Variants in PLIN3 observed in about 807,000 individuals in gnomAD.
PLIN3 encodes perilipin-3.
A neutral mutation model predicts 35.9 loss-of-function variants in PLIN3; 30 were observed. The observed-to-expected ratio is 0.84, with a 90% CI of 0.62 to 1.13. The LOEUF (loss-of-function observed/expected upper bound fraction) is 1.13. PLIN3 is among the 50% of genes most tolerant of loss of function. The pLI is 0.00. For missense variants in PLIN3, 603 were observed against 596.9 expected (o/e 1.01, Z -0.11); for synonymous variants, 261 against 262.5 (o/e 0.99, Z 0.06).
intron 1 of PLIN3, among the ~76,000 whole-genome samples, chr19:4,864,913 C>T (rs1317966907): frequency 1.3e-5 from 2 of 152,098 alleles, no homozygotes; most frequent in East Asian, 3.9e-4. Flanking sequence ...GCTAAAGGGT[C>T]GGGCATGGTG....
rs559314894 is a variant in PLIN3 at position 4,859,121 on chromosome 19, G to A, written c.348+469C>T. ...GTAACTAAGATTTTCAGTACTGTGG[G>A]TCACAGTCTCTGTCACAACTACTCA... On this transcript the variant is annotated intron_variant, in intron 4 of 7. Transcript: ENST00000221957. Among the ~76,000 whole-genome samples the A allele has an allele frequency of 3.3e-5, 5 of 152,288 alleles. No individual in the cohort carries two copies. In the South Asian group the frequency reaches 1.0e-3, roughly 32 times the overall value.
intron 4 of PLIN3, among the ~76,000 whole-genome samples, chr19:4,857,589 T>C (rs1163544303): frequency 6.6e-6 from 1 of 151,946 alleles, no homozygotes; most frequent in Admixed American, 6.6e-5. Flanking sequence ...TTTTTTTTTT[T>C]AATGTTAAGA....
intron 4 of PLIN3, among the ~76,000 whole-genome samples, chr19:4,858,101 C>T (rs1285027127): frequency 2.6e-5 from 4 of 151,502 alleles, no homozygotes; most frequent in African/African-American, 7.3e-5. Context: ...GGTGAAACCC[C>T]GTCTCTACTA....
At chr19:4,845,564 G>A (rs1249591378) in intron 6 of PLIN3, among the ~76,000 whole-genome samples, 2 of 152,182 alleles carry the variant, frequency 1.3e-5, no homozygotes, top group African/African-American at 2.4e-5. Context: ...GAGCTCAGTA[G>A]CTCCAGAACA....
chr19:4,847,296 C>G (rs1277240632), intron 6 of PLIN3, among the ~76,000 whole-genome samples: 1 of 151,662 alleles, frequency 6.6e-6, no homozygotes, highest in East Asian at 1.9e-4. Flanking sequence ...CTCAAGCAAT[C>G]GTCCCACCTC....
chr19:4,848,074 C>T (rs536596863), intron 5 of PLIN3, among the ~76,000 whole-genome samples, 184 bp from the exon 6 acceptor site: 103 of 152,240 alleles, frequency 6.8e-4, no homozygotes, highest in Middle Eastern at 3.4e-3. Context: ...ACCTCTGCCT[C>T]CCGGGTTCAA....
At chr19:4,843,510 A>AAAAAAAAAAAATAAAT (rs1555733213) in intron 7 of PLIN3, among the ~76,000 whole-genome samples, 39 of 139,514 alleles carry the variant, frequency 2.8e-4, no homozygotes, top group Admixed American at 9.5e-4. Flanking sequence ...TCCATCTCAA[A>AAAAAAAAAAAATAAAT]AAATAAATAA....
Position 4,859,970 on chromosome 19 carries a change from T to G in PLIN3, c.121A>C (p.Met41Leu), listed in dbSNP as rs771518518. 6.2e-7 allele frequency: 1 copy of G among 1,614,084 alleles called. No individual in the cohort carries two copies. The highest frequency in any genetic ancestry group is 8.5e-7 in the Non-Finnish European group (1 of 1,180,012). Residue 41 changes from methionine to leucine, a missense_variant, in exon 3 of 8, where the codon ATG (methionine) becomes CTG (leucine). Coordinates refer to ENST00000221957, the MANE Select transcript of PLIN3 (RefSeq NM_005817.5). ...SMPLISSTCD[M>L]VSAAYASTKE... ...GTGGAGGCATAGGCTGCGGACACCA[T>G]GTCGCAGGTGGAGCTGATCAGAGGC...
At chr19:4,860,568 G>A (rs1207439164) in intron 2 of PLIN3, among the ~76,000 whole-genome samples, 1 of 152,166 alleles carries the variant, frequency 6.6e-6, no homozygotes, top group East Asian at 1.9e-4. Flanking sequence ...TGTGCCAGGT[G>A]GTGATAAGGG....
Position 4,858,900 on chromosome 19 carries a change from C to G in PLIN3, c.348+690G>C, listed in dbSNP as rs193111105. Among the ~76,000 whole-genome samples, 1,028 of 151,426 alleles carry G rather than the reference C, an allele frequency of 6.8e-3. 11 individuals are homozygous for G. The highest frequency in any genetic ancestry group is 0.024 in the African/African-American group (975 of 41,322). ...TATTTTTAGTAGAGACGGGGTTTCT[C>G]CATGTTGGTCAGGCTGGTCTCAAAC... On this transcript the variant is annotated intron_variant, in intron 4 of 7. Transcript: ENST00000221957.
At chr19:4,861,464 G>C in intron 1 of PLIN3, 53 bp from the exon 2 acceptor site, 3 of 1,306,648 alleles carry the variant, frequency 2.3e-6, no homozygotes, top group Non-Finnish European at 2.2e-6. Context: ...CCTTCCAGGA[G>C]AAAGTCCAGG....
Position 4,859,588 on chromosome 19 carries a change from AC to A in PLIN3, c.348+1del, listed in dbSNP as rs760036936. On this transcript the variant is annotated splice_donor_variant, in intron 4 of 7. Coordinates refer to ENST00000221957, the MANE Select transcript of PLIN3 (RefSeq NM_005817.5). LOFTEE classifies it high-confidence loss of function. ...AGAGCCCCTGAGGACGGACATCGTT[AC>A]CTTCTCCGTGGGCTGCTGCAGGATG... 1 of 1,613,602 alleles carries A rather than the reference AC, an allele frequency of 6.2e-7. No individual in the cohort carries two copies. The highest frequency in any genetic ancestry group is 8.5e-7 in the Non-Finnish European group (1 of 1,179,630).
intron 6 of PLIN3, 58 bp downstream of exon 6, chr19:4,847,633 G>T: frequency 7.0e-7 from 1 of 1,419,962 alleles, no homozygotes; most frequent in Non-Finnish European, 9.7e-7. Context: ...GCTCTGGGTG[G>T]GTGTCTGCTG....
At chr19:4,849,762 C>T (rs2030225319) in intron 5 of PLIN3, among the ~76,000 whole-genome samples, 1 of 151,974 alleles carries the variant, frequency 6.6e-6, no homozygotes, top group Non-Finnish European at 1.5e-5. Context: ...AAGTGATTCT[C>T]CTGCCTTAGC....
intron 6 of PLIN3, among the ~76,000 whole-genome samples, chr19:4,846,433 T>C (rs935469507): frequency 5.9e-5 from 9 of 151,916 alleles, no homozygotes; most frequent in Non-Finnish European, 1.0e-4. Context: ...GCGTGGTGGC[T>C]CGTGTCTGTA....
chr19:4,842,884 C>A (rs963642236), intron 7 of PLIN3, among the ~76,000 whole-genome samples: 94 of 152,114 alleles, frequency 6.2e-4, no homozygotes, highest in African/African-American at 2.2e-3. Context: ...CTTTTGTAGC[C>A]CTTACTATGT....
chr19:4,853,297 G>A (rs918754434), intron 4 of PLIN3, among the ~76,000 whole-genome samples: 5 of 151,648 alleles, frequency 3.3e-5, no homozygotes, highest in African/African-American at 1.2e-4. Flanking sequence ...ACCACCACTC[G>A]TGGCTATTTT....
intron 6 of PLIN3, among the ~76,000 whole-genome samples, chr19:4,846,337 C>CGG (rs2030096242): frequency 1.3e-5 from 2 of 148,752 alleles, no homozygotes; most frequent in South Asian, 2.1e-4. Context: ...AAAAAAAAAT[C>CGG]GTCATAAAGG....
chr19:4,841,904 CAAAAAAAAAAAAAA>C (rs111932271), intron 7 of PLIN3, among the ~76,000 whole-genome samples: 1 of 38,644 alleles, frequency 2.6e-5, no homozygotes, highest in African/African-American at 6.7e-5. Context: ...GACTCCATCT[CAAAAAAAAAAAAAA>C]AAAAAAAAGA....
Sources: gnomAD v4.1 joint callset for allele counts (sites outside exome capture counted in the v4.1 genomes callset) on GRCh38, gnomAD v4.1.1 for gene constraint, MANE v1.5 for transcripts, NCBI Gene and HGNC (gene_info 2026-07-23, HGNC 2026-07-21) for gene names.